HSD17B3: variants seen among roughly 807,000 people sequenced by gnomAD.
HSD17B3 encodes 17-beta-hydroxysteroid dehydrogenase type 3.
A neutral mutation model predicts 41.1 loss-of-function variants in HSD17B3; 29 were observed. The observed-to-expected ratio is 0.71, with a 90% CI of 0.53 to 0.96. HSD17B3 has a LOEUF of 0.96. Ranked by LOEUF, HSD17B3 falls within the 40% of genes least tolerant of loss-of-function variation. The pLI is 0.00. For missense variants in HSD17B3, 323 were observed against 374.6 expected, an observed-to-expected ratio of 0.86 and a Z score of 1.14; for synonymous variants, 126 against 145.6, an observed-to-expected ratio of 0.87 and a Z score of 0.97.
intron 2 of HSD17B3, among the ~76,000 whole-genome samples, chr9:96,272,122 A>G (rs1200309846): frequency 6.6e-6 from 1 of 151,554 alleles, no homozygotes; most frequent in Non-Finnish European, 1.5e-5. Flanking sequence ...TATTCCCAGC[A>G]CTTTGGGAGT....
intron 2 of HSD17B3, among the ~76,000 whole-genome samples, chr9:96,259,901 T>C (rs1460273109): frequency 6.6e-6 from 1 of 152,260 alleles, no homozygotes; most frequent in East Asian, 1.9e-4. Context: ...GTTTTCACCA[T>C]AGACAATAGT....
chr9:96,278,049 C>T (rs1826543088), intron 2 of HSD17B3, among the ~76,000 whole-genome samples: 1 of 152,112 alleles, frequency 6.6e-6, no homozygotes, highest in African/African-American at 2.4e-5. Context: ...GCTCATGGAA[C>T]TACAGAGTAG....
chr9:96,287,647 T>C (rs1826976797), intron 2 of HSD17B3, among the ~76,000 whole-genome samples: 1 of 151,848 alleles, frequency 6.6e-6, no homozygotes, highest in South Asian at 2.1e-4. Flanking sequence ...GAGGCAGAGG[T>C]TGCAGTGAGC....
intron 2 of HSD17B3, among the ~76,000 whole-genome samples, chr9:96,295,627 G>A (rs771496721): frequency 3.9e-5 from 6 of 152,130 alleles, no homozygotes; most frequent in Middle Eastern, 3.2e-3. Context: ...GAGCCACTGC[G>A]CCCAGCCCAC....
intron 5 of HSD17B3, chr9:96,250,478 T>C: frequency 1.9e-6 from 2 of 1,058,532 alleles, no homozygotes; most frequent in Non-Finnish European, 2.3e-6. Flanking sequence ...CACAGGACGA[T>C]GGGATACCTG....
intron 2 of HSD17B3, among the ~76,000 whole-genome samples, chr9:96,283,457 T>C (rs1826786141): frequency 6.6e-6 from 1 of 152,212 alleles, no homozygotes; most frequent in African/African-American, 2.4e-5. Context: ...GAGTCTGACA[T>C]CAATAATGCA....
chr9:96,300,665 A>G (rs1185632481), intron 1 of HSD17B3, among the ~76,000 whole-genome samples: 1 of 151,564 alleles, frequency 6.6e-6, no homozygotes, highest in Non-Finnish European at 1.5e-5. Flanking sequence ...AGGCCCTGCA[A>G]AGACTTTAGC....
At chr9:96,240,674 C>CA in intron 10 of HSD17B3, 84 bp downstream of exon 10, 2 of 1,361,310 alleles carry the variant, frequency 1.5e-6, no homozygotes. Context: ...GCTCCAGCAG[C>CA]AAGGAAGAGC....
intron 5 of HSD17B3, 160 bp from the exon 6 acceptor site, chr9:96,249,946 A>T (rs943431084): frequency 6.6e-7 from 1 of 1,521,860 alleles, no homozygotes; most frequent in Admixed American, 2.0e-5. Flanking sequence ...TCCAGCAAGC[A>T]TGTACTAGCA....
chr9:96,266,166 G>T (rs1360001020), intron 2 of HSD17B3, among the ~76,000 whole-genome samples: 1 of 152,220 alleles, frequency 6.6e-6, no homozygotes, highest in Non-Finnish European at 1.5e-5. Flanking sequence ...AGTTAATTTT[G>T]CTGCCTATTG....
chr9:96,247,892 C>T (rs1255002346), intron 6 of HSD17B3, among the ~76,000 whole-genome samples: 1 of 152,194 alleles, frequency 6.6e-6, no homozygotes, highest in African/African-American at 2.4e-5. Context: ...CTCCAGACGG[C>T]TTCTTTAAAA....
intron 2 of HSD17B3, among the ~76,000 whole-genome samples, chr9:96,283,816 T>C (rs1564056725): frequency 6.6e-6 from 1 of 152,090 alleles, no homozygotes; most frequent in Non-Finnish European, 1.5e-5. Context: ...TTCTGATAAC[T>C]TTGGAAATTG....
At chr9:96,235,615 A>G (rs777282582) in intron 10 of HSD17B3, 45 bp from the exon 11 acceptor site, 11 of 1,461,500 alleles carry the variant, frequency 7.5e-6, no homozygotes, top group Non-Finnish European at 8.5e-6. Context: ...AGGAATAACA[A>G]GTACCTCAGT....
intron 2 of HSD17B3, among the ~76,000 whole-genome samples, chr9:96,263,795 G>T (rs1825949362): frequency 6.6e-6 from 1 of 151,952 alleles, no homozygotes; most frequent in Non-Finnish European, 1.5e-5. Flanking sequence ...TTTCTGAGGT[G>T]GGGGTTATTG....
chr9:96,240,138 T>A (rs1836379113), intron 10 of HSD17B3, among the ~76,000 whole-genome samples: 3 of 152,290 alleles, frequency 2.0e-5, no homozygotes, highest in Middle Eastern at 3.4e-3. Flanking sequence ...GCTTAAAACC[T>A]AGATGACGGG....
intron 2 of HSD17B3, among the ~76,000 whole-genome samples, chr9:96,262,153 C>CA (rs2130746033): frequency 6.9e-6 from 1 of 145,300 alleles, no homozygotes; most frequent in South Asian, 2.4e-4. Context: ...TTATTGAAAA[C>CA]ACTGGTTACA....
At chr9:96,301,323 C>T (rs1320313879) in intron 1 of HSD17B3, among the ~76,000 whole-genome samples, 1 of 147,346 alleles carries the variant, frequency 6.8e-6, no homozygotes, top group Admixed American at 6.7e-5. Flanking sequence ...TCACGCCTGT[C>T]ATCCCAGCCG....
Position 96,242,922 on chromosome 9 carries a change from C to T in HSD17B3, c.672+1407G>A, listed in dbSNP as rs1243930165. Among the ~76,000 whole-genome samples the T allele has an allele frequency of 4.6e-5, 7 of 152,174 alleles. 1 individual carries two copies. The East Asian group carries it at 1.2e-3, about 25-fold the overall frequency. On this transcript the variant is annotated intron_variant, in intron 9 of 10. Transcript: ENST00000375263. ...AATTGCACTTCCTGGCCCCCTGTGG[C>T]TGTGTAGGACCATGCAAGCAGAGTT...
intron 1 of HSD17B3, among the ~76,000 whole-genome samples, chr9:96,299,425 G>A (rs1362558311): frequency 6.6e-6 from 1 of 152,154 alleles, no homozygotes; most frequent in Non-Finnish European, 1.5e-5. Flanking sequence ...TATGCTCAGG[G>A]CATCTTGGGC....
Sources: gnomAD v4.1 joint callset for allele counts (sites outside exome capture counted in the v4.1 genomes callset) on GRCh38, gnomAD v4.1.1 for gene constraint, MANE v1.5 for transcripts, NCBI Gene and HGNC (gene_info 2026-07-23, HGNC 2026-07-21) for gene names.